ZNF446: variants seen among roughly 807,000 people sequenced by gnomAD.
ZNF446 encodes zinc finger protein 446, also known as zinc finger protein with KRAB and SCAN domains 20.
Under a neutral mutation model 34.0 loss-of-function variants are expected in ZNF446, and 42 were observed. That is an observed-to-expected ratio of 1.23 (90% CI 0.96 to 1.60). The LOEUF (loss-of-function observed/expected upper bound fraction) is 1.60. Among genes scored for constraint, ZNF446 ranks in the 40% most tolerant of loss-of-function variants. The probability of loss-of-function intolerance (pLI) is 0.00; values close to 1 mark genes in which losing one functional copy is unlikely to be tolerated. For missense variants in ZNF446, 650 were observed against 600.2 expected (o/e 1.08, Z -0.87); for synonymous variants, 315 against 251.0 (o/e 1.25, Z -2.41).
intron 1 of ZNF446, among the ~76,000 whole-genome samples, 159 bp downstream of exon 1, chr19:58,476,663 C>T (rs1005207337): frequency 4.6e-5 from 7 of 152,132 alleles, no homozygotes; most frequent in Non-Finnish European, 8.8e-5. Context: ...TCGCTGTGGT[C>T]AGCGAGCACG....
At chr19:58,476,930 T>C (rs192047436) in intron 1 of ZNF446, among the ~76,000 whole-genome samples, 2 of 152,164 alleles carry the variant, frequency 1.3e-5, no homozygotes, top group Admixed American at 6.5e-5. Flanking sequence ...CCCAACTGTT[T>C]GCAATTTCCA....
the ZNF446 span, among the ~76,000 whole-genome samples, chr19:58,488,860 A>AAC: frequency 1.2e-4 from 18 of 151,108 alleles, no homozygotes; most frequent in Non-Finnish European, 2.7e-4. Flanking sequence ...AAAAAAAAAA[A>AAC]AAAACAAAAA....
At chr19:58,488,925 C>G in the ZNF446 span, among the ~76,000 whole-genome samples, 1 of 151,560 alleles carries the variant, frequency 6.6e-6, no homozygotes. Flanking sequence ...AGGACCTGTG[C>G]ATATGATGAG....
At chr19:58,482,332 T>G (rs556226692), downstream of ZNF446, among the ~76,000 whole-genome samples, 7 of 152,242 alleles carry the variant, frequency 4.6e-5, no homozygotes, top group South Asian at 1.2e-3. Flanking sequence ...GTCCCCTACC[T>G]GCACACTTAG....
In ZNF446 at chr19:58,480,663, C is replaced by T. The variant is rs35861454; in HGVS notation, c.1290C>T (p.Arg430=). The T allele has an allele frequency of 1.4e-4, 225 of 1,611,264 alleles. No individual in the cohort carries two copies. The highest frequency in any genetic ancestry group is 1.0e-3 in the African/African-American group (75 of 74,932). ...GTCACTTCTGCAGTGACTGTGGCCG[C>T]GCCTTCGACTGGAAGTCGCAGCTGG... is the stretch of plus-strand genomic sequence containing the variant. ...QRRHFCSDCG[R]AFDWKSQLVI... Residue 430 remains arginine, a synonymous_variant, in exon 7 of 7, where the codon CGC becomes CGT. Coordinates refer to ENST00000594369, the MANE Select transcript of ZNF446 (RefSeq NM_017908.4). This position sits in a 1 kb window ranked among gnomAD's most constrained non-coding sequence, Gnocchi z 7.2.
At chr19:58,481,752 A>G (rs1245394130), downstream of ZNF446, among the ~76,000 whole-genome samples, 1 of 152,162 alleles carries the variant, frequency 6.6e-6, no homozygotes, top group African/African-American at 2.4e-5. Context: ...GAACTCTGAC[A>G]TGGGTCCCAC....
At chr19:58,483,380 T>C (rs2053152846), downstream of ZNF446, among the ~76,000 whole-genome samples, 1 of 152,038 alleles carries the variant, frequency 6.6e-6, no homozygotes, top group African/African-American at 2.4e-5. Context: ...TCCCAGTTAC[T>C]TGGGAGGCTG....
Position 58,480,444 on chromosome 19 carries a change from G to A in ZNF446, c.1071G>A (p.Gly357=), listed in dbSNP as rs780356434. ...FVIHHRTHTS[G]PGVQSPGLAT... is the part of the protein sequence containing the mutation. ...TCCACCACCGGACACACACGAGTGG[G>A]CCAGGTGTGCAGTCCCCGGGGCTAG... The change falls in exon 7 of 7, where the codon GGG becomes GGA. Residue 357 remains glycine (G), a synonymous_variant. Transcript: ENST00000594369. The surrounding 1 kb of genome is among the most constrained non-coding windows in gnomAD (Gnocchi z 7.2). 7 of 1,613,052 alleles carry A rather than the reference G, an allele frequency of 4.3e-6. No individual in the cohort carries two copies. The South Asian group carries it at 7.7e-5, about 18-fold the overall frequency.
In ZNF446 at chr19:58,477,836, G is replaced by A; in HGVS notation, c.532+10G>A. The A allele has an allele frequency of 1.3e-6, 2 of 1,535,784 alleles. No individual in the cohort carries two copies. The highest frequency in any genetic ancestry group is 1.7e-6 in the Non-Finnish European group (2 of 1,144,340). ...GATGGACAGGAAGTGGGTGAGGTTG[G>A]GGTCCCACCAGAGATGAGGGACTCC... On this transcript the variant is annotated intron_variant, in intron 3 of 6. Coordinates refer to ENST00000594369, the MANE Select transcript of ZNF446 (RefSeq NM_017908.4).
chr19:58,487,097 G>A, the ZNF446 span, among the ~76,000 whole-genome samples: 46,033 of 152,042 alleles, frequency 0.3, 7,231 homozygotes, highest in African/African-American at 0.4. Flanking sequence ...GGCCGAAAAT[G>A]ATTTCTTAAA....
Position 58,477,663 on chromosome 19 carries a change from G to A in ZNF446, c.369G>A (p.Glu123=), listed in dbSNP as rs199519036. Residue 123 remains glutamate (E), a synonymous_variant, in exon 3 of 7, where the codon GAG becomes GAA. Coordinates refer to ENST00000594369, the MANE Select transcript of ZNF446 (RefSeq NM_017908.4). ...GWITAHVLKQ[E]VLPAAQKTEE... is the part of the protein sequence containing the mutation. Reference sequence around the variant, plus strand: ...TCACAGCCCATGTCCTGAAGCAGGAGGTGCTCCCTGCAGCCCAGAAGACAG... The same window carrying A: ...TCACAGCCCATGTCCTGAAGCAGGAAGTGCTCCCTGCAGCCCAGAAGACAG... 85 of 1,613,858 alleles carry A rather than the reference G, an allele frequency of 5.3e-5. No individual in the cohort carries two copies. The African/African-American group carries it at 1.1e-3, about 20-fold the overall frequency.
rs878944338 is a variant in ZNF446, at chr19:58,480,524, A to G, written c.1151A>G (p.His384Arg). 6.2e-7 allele frequency: 1 copy of G among 1,611,720 alleles called. No homozygotes were observed. The highest frequency in any genetic ancestry group is 8.5e-7 in the Non-Finnish European group (1 of 1,179,424). The change falls in exon 7 of 7, where the codon CAC becomes CGC. Residue 384 changes from histidine (H) to arginine (R), a missense_variant. Coordinates refer to ENST00000594369, the MANE Select transcript of ZNF446 (RefSeq NM_017908.4). The surrounding 1 kb of genome is among the most constrained non-coding windows in gnomAD (Gnocchi z 7.2). ...PPQGEVAFPH[H>R]PRRSLTGPRS... ...CAAGGGGAGGTGGCCTTTCCGCACC[A>G]CCCCCGACGCTCACTCACAGGCCCC...
In ZNF446 at chr19:58,480,567, G is replaced by A. The variant is rs760222201; in HGVS notation, c.1194G>A (p.Glu398=). 6.2e-7 allele frequency: 1 copy of A among 1,612,984 alleles called. No homozygotes were observed. The highest frequency in any genetic ancestry group is 1.1e-5 in the South Asian group (1 of 91,086). The part of the protein sequence containing the change: ...SLTGPRSYPC[E]ECGCSFSWKS... ...CAGGCCCCCGGAGTTACCCGTGTGA[G>A]GAGTGCGGGTGCAGCTTCAGCTGGA... Residue 398 remains glutamate (E), a synonymous_variant, in exon 7 of 7, where the codon GAG becomes GAA. Transcript: ENST00000594369. This position sits in a 1 kb window ranked among gnomAD's most constrained non-coding sequence, Gnocchi z 7.2.
rs773353644 is a variant in ZNF446 at position 58,477,272 on chromosome 19, C to G, written c.54C>G (p.Thr18=). 2.5e-6 allele frequency: 4 copies of G among 1,610,516 alleles called. No individual in the cohort carries two copies. The South Asian group carries it at 4.4e-5, about 18-fold the overall frequency. ...TGCCCGTCATGGACCCAGAGACCAC[C>G]CTTGAGGAGCCTGAGACTGCCCGCC... The part of the protein sequence containing the change: ...PCLPVMDPET[T]LEEPETARLR... The change falls in exon 2 of 7, where the codon ACC becomes ACG. Residue 18 remains threonine, a synonymous_variant. Transcript: ENST00000594369.
chr19:58,479,788 G>A (rs772967706), intron 5 of ZNF446, 61 bp downstream of exon 5: 8 of 1,555,172 alleles, frequency 5.1e-6, no homozygotes, highest in Non-Finnish European at 7.0e-6. Flanking sequence ...CCCTGCAGCA[G>A]GCCTAGCTGG....
downstream of ZNF446, among the ~76,000 whole-genome samples, chr19:58,481,442 G>T (rs1260230926): frequency 6.6e-6 from 1 of 152,152 alleles, no homozygotes; most frequent in Non-Finnish European, 1.5e-5. Flanking sequence ...GAACTCATCA[G>T]TCCCGGCTTG....
chr19:58,488,552 T>TAAA, the ZNF446 span, among the ~76,000 whole-genome samples: 14 of 100,304 alleles, frequency 1.4e-4, no homozygotes, highest in African/African-American at 4.0e-4. Context: ...ATGACTATGA[T>TAAA]AAAAAAAAAA....
Position 58,477,295 on chromosome 19 carries a change from G to A in ZNF446, c.77G>A (p.Arg26His), listed in dbSNP as rs764127555. 23 of 1,612,584 alleles carry A rather than the reference G, an allele frequency of 1.4e-5. No homozygotes were observed. Among genetic ancestry groups the A allele is most frequent in the African/African-American group, 2.7e-5 (2 of 74,904 alleles). ...ETTLEEPETA[R>H]LRFRGFCYQE... is the part of the protein sequence containing the mutation. ...ACCCTTGAGGAGCCTGAGACTGCCC[G>A]CCTCCGCTTCCGAGGGTTCTGCTAC... The change falls in exon 2 of 7, where the codon CGC becomes CAC. Residue 26 changes from arginine (R) to histidine (H), a missense_variant. Physicochemically the swap from Arg to His is conservative, Grantham distance 29 (BLOSUM62 0). Transcript: ENST00000594369.
chr19:58,484,271 T>TAA (rs34356403), downstream of ZNF446, among the ~76,000 whole-genome samples: 29 of 66,538 alleles, frequency 4.4e-4, no homozygotes, highest in East Asian at 9.3e-4. Context: ...ACCCCATCTC[T>TAA]AAAAAAAAAA....
Sources: allele counts gnomAD v4.1 joint callset (sites outside exome capture counted in the v4.1 genomes callset), GRCh38; gene constraint gnomAD v4.1.1; non-coding constraint Gnocchi (gnomAD v3.1); transcripts MANE v1.5; gene names NCBI Gene and HGNC (gene_info 2026-07-23, HGNC 2026-07-21).